Variants in HSDL1 observed in about 807,000 individuals in gnomAD.
The protein encoded by HSDL1 is inactive hydroxysteroid dehydrogenase-like protein 1.
HSDL1 carries 29 observed loss-of-function variants against 31.5 expected under a neutral mutation model. The ratio of observed to expected loss-of-function variants is 0.92; its 90% confidence interval spans 0.69 to 1.26. HSDL1 has a LOEUF of 1.26. Ranked by LOEUF, HSDL1 falls within the 50% of genes most tolerant of loss-of-function variation. HSDL1 has a pLI of 0.00. For missense variants in HSDL1, 503 were observed against 416.6 expected, an observed-to-expected ratio of 1.21 and a Z score of -1.81; for synonymous variants, 222 against 155.2, an observed-to-expected ratio of 1.43 and a Z score of -3.20.
chr16:84,136,094 A>G (rs997890724), intron 1 of HSDL1, among the ~76,000 whole-genome samples: 1 of 152,148 alleles, frequency 6.6e-6, no homozygotes, highest in African/African-American at 2.4e-5. Flanking sequence ...GTTCCCTGGA[A>G]CATCCACATT....
intron 1 of HSDL1, among the ~76,000 whole-genome samples, chr16:84,140,720 A>T (rs1311823754): frequency 6.6e-6 from 1 of 152,154 alleles, no homozygotes; most frequent in Non-Finnish European, 1.5e-5. Flanking sequence ...TCTATCCTGG[A>T]GGCAGCCTCT....
intron 1 of HSDL1, among the ~76,000 whole-genome samples, chr16:84,141,386 G>C (rs2086768074): frequency 6.6e-6 from 1 of 152,150 alleles, no homozygotes; most frequent in African/African-American, 2.4e-5. Flanking sequence ...CCTGCTGCTG[G>C]TTCAGATACA....
chr16:84,133,677 C>T (rs922508024), intron 2 of HSDL1, among the ~76,000 whole-genome samples: 8 of 152,106 alleles, frequency 5.3e-5, no homozygotes, highest in Admixed American at 2.0e-4. Flanking sequence ...TACAGTGAGC[C>T]GAGATCATGC....
intron 2 of HSDL1, among the ~76,000 whole-genome samples, chr16:84,135,165 A>C (rs920079615): frequency 2.6e-5 from 4 of 151,756 alleles, no homozygotes; most frequent in Admixed American, 1.3e-4. Context: ...CCGGGGAGGC[A>C]GAGCTTGCAG....
At chr16:84,128,159 G>A (rs1315700691) in intron 5 of HSDL1, among the ~76,000 whole-genome samples, 1 of 151,586 alleles carries the variant, frequency 6.6e-6, no homozygotes, top group Non-Finnish European at 1.5e-5. Flanking sequence ...CGTGGTGGCA[G>A]GCACCTGTAG....
chr16:84,143,450 G>C (rs1409051993), intron 1 of HSDL1, among the ~76,000 whole-genome samples: 1 of 152,148 alleles, frequency 6.6e-6, no homozygotes, highest in East Asian at 1.9e-4. Flanking sequence ...GACAGGGGGA[G>C]AAAAGAGGTA....
At chr16:84,124,909 C>G in intron 5 of HSDL1, 181 bp from the exon 6 acceptor site, 1 of 475,550 alleles carries the variant, frequency 2.1e-6, no homozygotes, top group Non-Finnish European at 3.8e-6. Flanking sequence ...ACCCACCAAT[C>G]ACAACAAATA....
At chr16:84,144,284 G>C (rs1319054229) in intron 1 of HSDL1, 1 of 152,162 alleles carries the variant, frequency 6.6e-6, no homozygotes, top group East Asian at 1.9e-4. Context: ...ACTCAGAAAG[G>C]GGCTACCTGC....
intron 2 of HSDL1, among the ~76,000 whole-genome samples, chr16:84,132,383 A>T (rs1189469075): frequency 3.3e-5 from 5 of 152,200 alleles, no homozygotes; most frequent in East Asian, 1.9e-4. Context: ...TTAAAAAAAA[A>T]ATTTTTTTTA....
chr16:84,142,081 C>G (rs903082265), intron 1 of HSDL1, among the ~76,000 whole-genome samples: 1 of 152,166 alleles, frequency 6.6e-6, no homozygotes, highest in African/African-American at 2.4e-5. Context: ...CATGTACCAC[C>G]AAGCCCAGTT....
At chr16:84,135,854 C>T (rs2086707337) in intron 1 of HSDL1, among the ~76,000 whole-genome samples, 1 of 152,202 alleles carries the variant, frequency 6.6e-6, no homozygotes, top group African/African-American at 2.4e-5. Context: ...TGGAGGGTGC[C>T]CCCTTTTCCT....
intron 2 of HSDL1, among the ~76,000 whole-genome samples, chr16:84,134,409 G>A (rs1385025263): frequency 6.6e-6 from 1 of 152,088 alleles, no homozygotes; most frequent in African/African-American, 2.4e-5. Flanking sequence ...GATCACTTGA[G>A]GTCAGGAGTT....
rs2086661349 is a variant in HSDL1 at position 84,131,227 on chromosome 16, T to C, written c.95A>G (p.Tyr32Cys). The change falls in exon 3 of 6, where the codon TAT becomes TGT. Residue 32 changes from tyrosine (Y) to cysteine (C), a missense_variant. Tyr to Cys is a radical substitution (Grantham distance 194). Transcript: ENST00000219439. ...GACAGTGATGCTTTTTCTGGCCGTATACCAGGCTCCAACCAAAGCTAGAGC... is the reference window on the plus strand; with the variant it reads ...GACAGTGATGCTTTTTCTGGCCGTACACCAGGCTCCAACCAAAGCTAGAGC... Reference protein sequence around the residue: ...MEALALVGAWYTARKSITVIC... With the variant: ...MEALALVGAWCTARKSITVIC... 1 of 1,614,146 alleles carries C rather than the reference T, an allele frequency of 6.2e-7. No individual in the cohort carries two copies. The highest frequency in any genetic ancestry group is 8.5e-7 in the Non-Finnish European group (1 of 1,179,988).
chr16:84,126,247 A>T (rs918425997), intron 5 of HSDL1, among the ~76,000 whole-genome samples: 5 of 152,076 alleles, frequency 3.3e-5, no homozygotes, highest in African/African-American at 1.2e-4. Flanking sequence ...CAGGTCAGAA[A>T]CACCAGTACC....
Position 84,131,269 on chromosome 16 carries a change from C to A in HSDL1, c.53G>T (p.Cys18Phe), listed in dbSNP as rs539524589. 1 of 1,614,000 alleles carries A rather than the reference C, an allele frequency of 6.2e-7. No individual in the cohort carries two copies. Among genetic ancestry groups the A allele is most frequent in the Non-Finnish European group, 8.5e-7 (1 of 1,180,036 alleles). ...YLLYREIARS[C>F]NCYMEALALV... Reference sequence around the variant, plus strand: ...AGCTAGAGCTTCCATATAGCAATTGCAAGACCTGGCGATTTCCCTGTACAA... The same window carrying A: ...AGCTAGAGCTTCCATATAGCAATTGAAAGACCTGGCGATTTCCCTGTACAA... The change falls in exon 3 of 6, where the codon TGC becomes TTC. Residue 18 changes from cysteine (C) to phenylalanine (F), a missense_variant. By Grantham distance (205) the Cys-to-Phe change is radical. Coordinates refer to ENST00000219439, the MANE Select transcript of HSDL1 (RefSeq NM_031463.5).
intron 2 of HSDL1, among the ~76,000 whole-genome samples, chr16:84,132,999 G>T: frequency 6.6e-6 from 1 of 150,952 alleles, no homozygotes; most frequent in East Asian, 1.9e-4. Flanking sequence ...AAAAAGTCTG[G>T]ATACTAAGAA....
chr16:84,141,340 G>A (rs1429241162), intron 1 of HSDL1, among the ~76,000 whole-genome samples: 1 of 151,916 alleles, frequency 6.6e-6, no homozygotes, highest in Non-Finnish European at 1.5e-5. Context: ...AGGTCCCCCT[G>A]CTGCTGGTTC....
chr16:84,131,618 G>A (rs1414813228), intron 2 of HSDL1, among the ~76,000 whole-genome samples: 5 of 150,512 alleles, frequency 3.3e-5, no homozygotes, highest in East Asian at 1.9e-4. Flanking sequence ...GGGTTCAAGC[G>A]ATTCTCCTGC....
intron 2 of HSDL1, among the ~76,000 whole-genome samples, chr16:84,133,487 T>A (rs2086686361): frequency 6.6e-6 from 1 of 152,206 alleles, no homozygotes; most frequent in Non-Finnish European, 1.5e-5. Flanking sequence ...ATGCCTATAA[T>A]CCCAGCACTT....
Sources: allele counts gnomAD v4.1 joint callset (sites outside exome capture counted in the v4.1 genomes callset), GRCh38; gene constraint gnomAD v4.1.1; transcripts MANE v1.5; gene names NCBI Gene and HGNC (gene_info 2026-07-23, HGNC 2026-07-21).